The following ABCA5 variants were observed in gnomAD, a reference collection of about 807,000 sequenced individuals.
The protein encoded by ABCA5 is cholesterol transporter ABCA5.
A neutral mutation model predicts 206.0 loss-of-function variants in ABCA5; 163 were observed. The ratio of observed to expected loss-of-function variants is 0.79; its 90% CI spans 0.70 to 0.90. ABCA5 has a LOEUF of 0.90. ABCA5 is among the 40% of genes least tolerant of loss of function. ABCA5 has a pLI of 0.00. For synonymous variants in ABCA5, 609 were observed against 613.8 expected (o/e 0.99, Z 0.11); for missense variants, 1,859 against 1,912.9 (o/e 0.97, Z 0.53).
chr17:69,282,927 A>G (rs569791021), intron 18 of ABCA5, among the ~76,000 whole-genome samples: 2 of 149,108 alleles, frequency 1.3e-5, no homozygotes, highest in Admixed American at 6.7e-5. Flanking sequence ...CACTCAATCT[A>G]TCAGCAACTC....
At chr17:69,286,140 G>A (rs2075449219) in intron 16 of ABCA5, 81 bp downstream of exon 16, 1 of 1,541,112 alleles carries the variant, frequency 6.5e-7, no homozygotes, top group Non-Finnish European at 8.8e-7. Flanking sequence ...GATGGTCAAA[G>A]CATATAACAG....
chr17:69,251,820 G>C lies in ABCA5; in HGVS notation c.4462C>G (p.Leu1488Val). The change falls in exon 35 of 39, where the codon CTG (leucine) becomes GTG (valine). Residue 1488 changes from leucine (L) to valine (V), a missense_variant. Leu to Val is a conservative substitution (Grantham distance 32). Transcript: ENST00000392676. ...AFKNRKRAAI[L>V]TTHYMEEAEA... ...GCCTCCTCCATATAGTGAGTGGTCA[G>C]AATAGCAGCCCGCTTTCTGTTTTTA... is the stretch of plus-strand genomic sequence containing the variant. 6.2e-7 allele frequency: 1 copy of C among 1,613,884 alleles called. No homozygotes were observed. The highest frequency in any genetic ancestry group is 8.5e-7 in the Non-Finnish European group (1 of 1,179,960).
At position 69,294,663 on chromosome 17, in the gene ABCA5, G is replaced by T; in HGVS notation, c.1487C>A (p.Ala496Asp). The change falls in exon 11 of 39, where the codon GCT becomes GAT. Residue 496 changes from alanine (A) to aspartate (D), a missense_variant. By Grantham distance (126) the Ala-to-Asp change is moderately radical. Coordinates refer to ENST00000392676, the MANE Select transcript of ABCA5 (RefSeq NM_172232.4). Reference protein sequence around the residue: ...TYRKKGENVEALRNLSFDIYE... With the variant: ...TYRKKGENVEDLRNLSFDIYE... ...CTAGGAAAACTACTTACTTCTCAAAGCCTCCACATTTTCACCCTTCTTTCT... is the reference window on the plus strand; with the variant it reads ...CTAGGAAAACTACTTACTTCTCAAATCCTCCACATTTTCACCCTTCTTTCT... 6.2e-7 allele frequency: 1 copy of T among 1,604,472 alleles called. No individual in the cohort carries two copies. The highest frequency in any genetic ancestry group is 8.5e-7 in the Non-Finnish European group (1 of 1,173,048).
intron 11 of ABCA5, among the ~76,000 whole-genome samples, chr17:69,292,212 G>C (rs567835023): frequency 1.3e-5 from 2 of 152,104 alleles, no homozygotes; most frequent in Non-Finnish European, 2.9e-5. Flanking sequence ...GTTAAAATAA[G>C]AAAGGGAACT....
At position 69,244,943 on chromosome 17, in the gene ABCA5, A is replaced by G. The variant is rs1490895009; in HGVS notation, c.*2594T>C. 3 of 149,968 alleles carry G rather than the reference A, an allele frequency of 2.0e-5. No homozygotes were observed. The highest frequency in any genetic ancestry group is 4.9e-5 in the African/African-American group (2 of 41,132). 9.3% of individuals were successfully genotyped at this position (149,968 alleles called of 1,614,324 possible). On this transcript the variant is annotated 3_prime_UTR_variant, in exon 39 of 39. Coordinates refer to ENST00000392676, the MANE Select transcript of ABCA5 (RefSeq NM_172232.4). ...ATTATATATATTTTATGTAAGTTATATAAGTATCTATCTTACAGATCTCCA... is the reference window on the plus strand; with the variant it reads ...ATTATATATATTTTATGTAAGTTATGTAAGTATCTATCTTACAGATCTCCA...
chr17:69,279,151 C>CA lies in ABCA5; in HGVS notation c.2393-1310dup, dbSNP rs1219773361. On this transcript the variant is annotated intron_variant, in intron 18 of 38. Coordinates refer to ENST00000392676, the MANE Select transcript of ABCA5 (RefSeq NM_172232.4). ...TCTAGAAAACCCCATCGTCTCAGCC[C>CA]AAAATCTCCTTCAGCTGATAGGCAA... Among the ~76,000 whole-genome samples, 14 of 152,182 alleles carry CA rather than the reference C, an allele frequency of 9.2e-5. No individual in the cohort carries two copies. The East Asian group carries it at 2.5e-3, about 27-fold the overall frequency.
intron 21 of ABCA5, among the ~76,000 whole-genome samples, chr17:69,270,951 A>G (rs2075266524): frequency 6.6e-6 from 1 of 151,396 alleles, no homozygotes; most frequent in African/African-American, 2.4e-5. Context: ...ACAAGCATAT[A>G]ATTTTTTAAA....
Position 69,291,234 on chromosome 17 carries a change from G to T in ABCA5, c.1588C>A (p.Leu530Ile). The change falls in exon 12 of 39, where the codon CTC (leucine) becomes ATC (isoleucine). Residue 530 changes from leucine to isoleucine, a missense_variant. By Grantham distance (5) the Leu-to-Ile change is conservative. Transcript: ENST00000392676. ...AACTCACCATCAGAAGGTGGGCAGAGTCCACAAAGAATATTCATCAATGTA... is the reference window on the plus strand; with the variant it reads ...AACTCACCATCAGAAGGTGGGCAGATTCCACAAAGAATATTCATCAATGTA... ...KSTLMNILCG[L>I]CPPSDGFASI... 6.2e-7 allele frequency: 1 copy of T among 1,601,130 alleles called. No individual in the cohort carries two copies. The highest frequency in any genetic ancestry group is 8.5e-7 in the Non-Finnish European group (1 of 1,172,646).
intron 6 of ABCA5, among the ~76,000 whole-genome samples, chr17:69,305,739 C>A (rs7218608): frequency 0.042 from 6,435 of 152,116 alleles, 184 homozygotes; most frequent in Non-Finnish European, 0.066. Flanking sequence ...GGCATGACAG[C>A]ATGCACCTGT....
chr17:69,279,740 C>T (rs2075371423), intron 18 of ABCA5, among the ~76,000 whole-genome samples: 2 of 152,232 alleles, frequency 1.3e-5, no homozygotes, highest in Admixed American at 6.5e-5. Context: ...ATATCTACAA[C>T]TATCTGATCT....
At position 69,302,741 on chromosome 17, in the gene ABCA5, T is replaced by A; in HGVS notation, c.1096A>T (p.Thr366Ser). 6.3e-7 allele frequency: 1 copy of A among 1,579,268 alleles called. No individual in the cohort carries two copies. Among genetic ancestry groups the A allele is most frequent in the South Asian group, 1.2e-5 (1 of 83,916 alleles). Residue 366 changes from threonine (T) to serine (S), a missense_variant, in exon 8 of 39, where the codon ACT becomes TCT. Physicochemically the swap from Thr to Ser is moderately conservative, Grantham distance 58. Transcript: ENST00000392676. ...VWLFSPFCHC[T>S]FVIGIAQVMH... is the part of the protein sequence containing the mutation. ...ACCTGTGCAATACCAATCACAAAAGTACAGTGACAGAAAGGACTGAAAAGC... is the reference window on the plus strand; with the variant it reads ...ACCTGTGCAATACCAATCACAAAAGAACAGTGACAGAAAGGACTGAAAAGC...
intron 17 of ABCA5, among the ~76,000 whole-genome samples, chr17:69,285,193 T>C (rs1401701544): frequency 6.6e-6 from 1 of 152,114 alleles, no homozygotes; most frequent in East Asian, 1.9e-4. Flanking sequence ...CAGCATCTGG[T>C]AGAAAATAAG....
chr17:69,310,765 G>C (rs149537640), intron 3 of ABCA5, among the ~76,000 whole-genome samples: 1 of 152,192 alleles, frequency 6.6e-6, no homozygotes, highest in Admixed American at 6.5e-5. Context: ...AGTACTTAAC[G>C]TCTTCATGTA....
Position 69,326,292 on chromosome 17 carries a change from T to C in ABCA5, c.-16+760A>G, listed in dbSNP as rs1301354615. On this transcript the variant is annotated intron_variant, in intron 1 of 38. Transcript: ENST00000392676. This position sits in a 1 kb window ranked among gnomAD's most constrained non-coding sequence, Gnocchi z 4.8. ...AAAGCTGTAGTCCAGCAAATACTCCTCTTCCCTTAGATTCCTTCAGAACGC... is the reference window on the plus strand; with the variant it reads ...AAAGCTGTAGTCCAGCAAATACTCCCCTTCCCTTAGATTCCTTCAGAACGC... Among the ~76,000 whole-genome samples, 1 of 152,254 alleles carries C rather than the reference T, an allele frequency of 6.6e-6. No homozygotes were observed. Among genetic ancestry groups the C allele is most frequent in the Non-Finnish European group, 1.5e-5 (1 of 68,046 alleles).
chr17:69,253,249 T>C (rs562903889), intron 34 of ABCA5, among the ~76,000 whole-genome samples: 3 of 152,296 alleles, frequency 2.0e-5, no homozygotes, highest in Admixed American at 2.0e-4. Flanking sequence ...AAGACACTAT[T>C]ATTATGGAAA....
At chr17:69,294,453 C>T (rs541362513) in intron 11 of ABCA5, among the ~76,000 whole-genome samples, 7 of 151,986 alleles carry the variant, frequency 4.6e-5, no homozygotes, top group South Asian at 2.1e-4. Context: ...ACCCAGAAGG[C>T]GCAGGTTGCA....
At chr17:69,301,078 C>T (rs569662329) in intron 9 of ABCA5, 61 bp downstream of exon 9, 2 of 1,416,742 alleles carry the variant, frequency 1.4e-6, no homozygotes, top group East Asian at 2.5e-5. Flanking sequence ...ATTAAGCTGA[C>T]CCTATGTGGG....
At chr17:69,316,202 T>C (rs954758784) in intron 1 of ABCA5, among the ~76,000 whole-genome samples, 1 of 152,186 alleles carries the variant, frequency 6.6e-6, no homozygotes, top group East Asian at 1.9e-4. Context: ...TTCAGAAAAC[T>C]GTGAGACAGT....
At position 69,245,237 on chromosome 17, in the gene ABCA5, T is replaced by C. The variant is rs1184075310; in HGVS notation, c.*2300A>G. 6.6e-6 allele frequency: 1 copy of C among 151,926 alleles called. No homozygotes were observed. Among genetic ancestry groups the C allele is most frequent in the Admixed American group, 6.6e-5 (1 of 15,262 alleles). The allele number at this position is 151,926 out of a possible 1,614,324, so 9.4% of individuals were successfully genotyped here. On this transcript the variant is annotated 3_prime_UTR_variant, in exon 39 of 39. Coordinates refer to ENST00000392676, the MANE Select transcript of ABCA5 (RefSeq NM_172232.4). ...ATGTAAAGTACACTCATCATGTTTT[T>C]TCTTGCCTTATTAGTCAGTAAACAC... is the stretch of plus-strand genomic sequence containing the variant.
Sources: allele counts gnomAD v4.1 joint callset (sites outside exome capture counted in the v4.1 genomes callset), GRCh38; gene constraint gnomAD v4.1.1; non-coding constraint Gnocchi (gnomAD v3.1); transcripts MANE v1.5; gene names NCBI Gene and HGNC (gene_info 2026-07-23, HGNC 2026-07-21).